Variants in PLCH1 observed in about 807,000 individuals in gnomAD.
PLCH1 encodes 1-phosphatidylinositol 4,5-bisphosphate phosphodiesterase eta-1.
Under a neutral mutation model 126.7 loss-of-function variants are expected in PLCH1, and 60 were observed. The observed-to-expected ratio is 0.47, with a 90% CI of 0.38 to 0.59. PLCH1 has a LOEUF of 0.59. Among genes scored for constraint, PLCH1 ranks in the 20% least tolerant of loss-of-function variants. The pLI, the probability that PLCH1 is intolerant of heterozygous loss-of-function variation, is 0.00. For missense variants in PLCH1, 1,723 were observed against 2,040.0 expected (o/e 0.84, Z 2.99); for synonymous variants, 719 against 734.9 (o/e 0.98, Z 0.35).
chr3:155,517,037 T>C (rs989071513), intron 11 of PLCH1, among the ~76,000 whole-genome samples: 1 of 152,162 alleles, frequency 6.6e-6, no homozygotes, highest in African/African-American at 2.4e-5. Context: ...CCAGGTGCCA[T>C]GGCTCATGTC....
intron 1 of PLCH1, among the ~76,000 whole-genome samples, chr3:155,724,199 T>C (rs2109146889): frequency 6.6e-6 from 1 of 152,198 alleles, no homozygotes; most frequent in East Asian, 1.9e-4. Flanking sequence ...ATGTGCTGAG[T>C]ATATTCTCCA....
At chr3:155,586,523 A>T (rs1731396622) in intron 4 of PLCH1, among the ~76,000 whole-genome samples, 1 of 152,126 alleles carries the variant, frequency 6.6e-6, no homozygotes, top group African/African-American at 2.4e-5. Flanking sequence ...CCTGGCCAAC[A>T]TGGTGAAACC....
At position 155,565,100 on chromosome 3, in the gene PLCH1, C is replaced by T. The variant is rs565734453; in HGVS notation, c.884G>A (p.Arg295His). Residue 295 changes from arginine to histidine, a missense_variant, in exon 8 of 23, where the codon CGT becomes CAT. By Grantham distance (29) the Arg-to-His change is conservative. This residue lies in a region of PLCH1 where 776 missense variants were observed against 1,062.9 expected (regional missense o/e 0.73). Coordinates refer to ENST00000460012, the MANE Select transcript of PLCH1 (RefSeq NM_014996.4). ...GTTAAATATGTCACAGGCAGGACTA[C>T]GCATGAAGTTCGTGAAGCCTTTGGA... ...LGIEGFTNFMRSPACDIFNPL... is the reference protein window; with the variant it reads ...LGIEGFTNFMHSPACDIFNPL... 40 of 1,613,272 alleles carry T rather than the reference C, an allele frequency of 2.5e-5. No individual in the cohort carries two copies. The highest frequency in any genetic ancestry group is 2.2e-4 in the South Asian group (20 of 91,052).
rs533004393 is a variant in PLCH1, at chr3:155,505,560, T to C, written c.1633-934A>G. On this transcript the variant is annotated intron_variant, in intron 12 of 22. Transcript: ENST00000460012. ...AAAGGTTGGGAAGGGGATCTGTATA[T>C]GCCCATAGATGCTAATCAAAGATGC... 9.5e-4 allele frequency among the ~76,000 whole-genome samples: 145 copies of C among 152,256 alleles called. 2 individuals are homozygous for C. Among genetic ancestry groups the C allele is most frequent in the African/African-American group, 3.2e-3 (132 of 41,536 alleles).
chr3:155,571,356 A>G (rs982087397), intron 6 of PLCH1, among the ~76,000 whole-genome samples: 2 of 152,176 alleles, frequency 1.3e-5, no homozygotes, highest in Admixed American at 6.5e-5. Flanking sequence ...TATACCCAGA[A>G]TCACTCCCCA....
At chr3:155,669,185 A>G (rs1577287154) in intron 2 of PLCH1, among the ~76,000 whole-genome samples, 1 of 152,224 alleles carries the variant, frequency 6.6e-6, no homozygotes, top group East Asian at 1.9e-4. Context: ...TTTGTGGTCA[A>G]AAACAGTAAG....
chr3:155,495,775 T>A, intron 15 of PLCH1, among the ~76,000 whole-genome samples: 1 of 152,132 alleles, frequency 6.6e-6, no homozygotes, highest in Admixed American at 6.5e-5. Flanking sequence ...GGCAAAGAAA[T>A]GAGAGGATTA....
chr3:155,730,305 A>G (rs1748675162), intron 1 of PLCH1, among the ~76,000 whole-genome samples: 1 of 151,250 alleles, frequency 6.6e-6, no homozygotes, highest in Non-Finnish European at 1.5e-5. Flanking sequence ...CTTTTTTGAG[A>G]CCGTCTTGCT....
chr3:155,541,648 AGATCACC>A (rs1724249460), intron 10 of PLCH1, among the ~76,000 whole-genome samples: 1 of 152,212 alleles, frequency 6.6e-6, no homozygotes, highest in Non-Finnish European at 1.5e-5. Flanking sequence ...GTAGCATTAA[AGATCACC>A]GATCACAGAT....
At chr3:155,454,377 G>A (rs548722041) in intron 21 of PLCH1, among the ~76,000 whole-genome samples, 30 of 152,242 alleles carry the variant, frequency 2.0e-4, no homozygotes, top group African/African-American at 7.2e-4. Context: ...GTGCTACTTG[G>A]GGGACTGAGG....
chr3:155,575,129 T>TAA (rs914720883), intron 6 of PLCH1, among the ~76,000 whole-genome samples: 1 of 147,756 alleles, frequency 6.8e-6, no homozygotes, highest in Non-Finnish European at 1.5e-5. Context: ...AGACCCCATC[T>TAA]AAAAAAAAAA....
At chr3:155,462,514 A>T (rs764786741) in intron 21 of PLCH1, among the ~76,000 whole-genome samples, 9 of 152,288 alleles carry the variant, frequency 5.9e-5, no homozygotes, top group Non-Finnish European at 1.2e-4. Flanking sequence ...ACTGACCACG[A>T]TCTGGAAGGA....
At chr3:155,606,992 C>T (rs1158167636) in intron 2 of PLCH1, among the ~76,000 whole-genome samples, 1 of 152,216 alleles carries the variant, frequency 6.6e-6, no homozygotes, top group Non-Finnish European at 1.5e-5. Context: ...TAAAAATTTA[C>T]ATCTTTAAAG....
chr3:155,576,392 C>T (rs550152819), intron 6 of PLCH1, among the ~76,000 whole-genome samples: 10 of 152,268 alleles, frequency 6.6e-5, no homozygotes, highest in Admixed American at 3.3e-4. Context: ...CTGGCACTTC[C>T]TCATGGTTAT....
At chr3:155,598,856 G>A (rs1733340307) in intron 2 of PLCH1, among the ~76,000 whole-genome samples, 1 of 152,138 alleles carries the variant, frequency 6.6e-6, no homozygotes, top group African/African-American at 2.4e-5. Context: ...ATTTGTAACA[G>A]ACTGAATGTG....
chr3:155,556,363 A>G (rs2108478064), intron 8 of PLCH1, among the ~76,000 whole-genome samples: 1 of 152,300 alleles, frequency 6.6e-6, no homozygotes, highest in East Asian at 1.9e-4. Flanking sequence ...TCAAAATAAA[A>G]GAAACTCTGC....
At chr3:155,475,075 TA>T (rs56659245), downstream of PLCH1, among the ~76,000 whole-genome samples, 3,669 of 138,908 alleles carry the variant, frequency 0.026, 59 homozygotes, top group South Asian at 0.064. Flanking sequence ...CTTAAAGTAT[TA>T]AAAAAAAAAA....
intron 3 of PLCH1, among the ~76,000 whole-genome samples, chr3:155,595,111 C>T (rs983511130): frequency 5.3e-5 from 8 of 152,008 alleles, no homozygotes; most frequent in East Asian, 1.9e-4. Flanking sequence ...CTGAGCAGGC[C>T]GCTTATGGTG....
intron 12 of PLCH1, among the ~76,000 whole-genome samples, chr3:155,510,725 G>A (rs1461025094): frequency 9.7e-6 from 1 of 103,246 alleles, no homozygotes; most frequent in Non-Finnish European, 1.8e-5. Flanking sequence ...CGAGAGATCC[G>A]CTGTTAGTCT....
Sources: gnomAD v4.1 joint callset for allele counts (sites outside exome capture counted in the v4.1 genomes callset) on GRCh38, gnomAD v4.1.1 for gene constraint, gnomAD v4.1.1 regional missense constraint, MANE v1.5 for transcripts, NCBI Gene and HGNC (gene_info 2026-07-23, HGNC 2026-07-21) for gene names.